SIDT2: variants seen among roughly 807,000 people sequenced by gnomAD.
SIDT2 encodes SID1 transmembrane family, member 2.
SIDT2 carries 68 observed loss-of-function variants against 114.4 expected under a neutral mutation model. That is an observed-to-expected ratio of 0.59 (90% confidence interval 0.49 to 0.73). The LOEUF (loss-of-function observed/expected upper bound fraction) is 0.73, where lower values mean the gene tolerates loss of function less well. Among genes scored for constraint, SIDT2 ranks in the 30% least tolerant of loss-of-function variants. The pLI, the probability that SIDT2 is intolerant of heterozygous loss-of-function variation, is 0.00. For synonymous variants in SIDT2, 470 were observed against 438.4 expected (o/e 1.07, Z -0.90); for missense variants, 918 against 1,097.1 (o/e 0.84, Z 2.31).
chr11:117,193,238 G>A lies in SIDT2; in HGVS notation c.2191G>A (p.Ala731Thr), dbSNP rs149550608. ...CATCTGCAACCTGCTCCTTTACTTC[G>A]CCTTCTACATCATCATGAAGGTGAG... ...IGICNLLLYF[A>T]FYIIMKLRSG... The change falls in exon 23 of 26, where the codon GCC becomes ACC. Residue 731 changes from alanine to threonine, a missense_variant. By Grantham distance (58) the Ala-to-Thr change is moderately conservative (BLOSUM62 0). This residue lies in a region of SIDT2 where 275 missense variants were observed against 397.6 expected (regional missense o/e 0.69). Coordinates refer to ENST00000324225, the MANE Select transcript of SIDT2 (RefSeq NM_001040455.2). 3.7e-6 allele frequency: 6 copies of A among 1,613,392 alleles called. No individual in the cohort carries two copies. The highest frequency in any genetic ancestry group is 2.2e-5 in the South Asian group (2 of 91,024).
Position 117,196,564 on chromosome 11 carries a change from G to C in SIDT2, c.*498G>C, listed in dbSNP as rs970421507. 6 of 171,550 alleles carry C rather than the reference G, an allele frequency of 3.5e-5. No individual in the cohort carries two copies. The highest frequency in any genetic ancestry group is 1.2e-4 in the African/African-American group (5 of 41,728). 10.6% of individuals were successfully genotyped at this position (171,550 alleles called of 1,614,324 possible). ...CCCAGTTCTCTTTGGGCTGTCCCTGGCTGCCATCACTGCCCATTCCAGTCA... is the reference window on the plus strand; with the variant it reads ...CCCAGTTCTCTTTGGGCTGTCCCTGCCTGCCATCACTGCCCATTCCAGTCA... On this transcript the variant is annotated 3_prime_UTR_variant, in exon 26 of 26. Coordinates refer to ENST00000324225, the MANE Select transcript of SIDT2 (RefSeq NM_001040455.2). The surrounding 1 kb of genome is among the most constrained non-coding windows in gnomAD (Gnocchi z 4.9).
intron 6 of SIDT2, among the ~76,000 whole-genome samples, chr11:117,183,269 T>C (rs2030365873): frequency 6.6e-6 from 1 of 150,882 alleles, no homozygotes; most frequent in Non-Finnish European, 1.5e-5. Flanking sequence ...CACTTGAACC[T>C]GGGAGACAGA....
chr11:117,193,042 G>A, intron 22 of SIDT2, 111 bp from the exon 23 acceptor site: 1 of 1,363,732 alleles, frequency 7.3e-7, no homozygotes, highest in Non-Finnish European at 1.0e-6. Flanking sequence ...AATCTTCTGT[G>A]GGCTTCTGAA....
intron 2 of SIDT2, 71 bp downstream of exon 2, chr11:117,181,608 G>T (rs1053761786): frequency 6.2e-7 from 1 of 1,604,476 alleles, no homozygotes; most frequent in South Asian, 1.1e-5. Context: ...TCAACCAGGA[G>T]CCCCCCCATT....
rs201523796 is a variant in SIDT2, at chr11:117,193,264, T to C, written c.2211+6T>C. 1.5e-3 allele frequency: 2,465 copies of C among 1,610,264 alleles called. 19 individuals are homozygous for C. Among genetic ancestry groups the C allele is most frequent in the Non-Finnish European group, 1.0e-3 (1,222 of 1,177,212 alleles). On this transcript the variant is annotated splice_donor_region_variant and intron_variant, in intron 23 of 25. Coordinates refer to ENST00000324225, the MANE Select transcript of SIDT2 (RefSeq NM_001040455.2). Reference sequence around the variant, plus strand: ...CCTTCTACATCATCATGAAGGTGAGTGGGGCTGGCCAAGCCCCCTCTGTCA... The same window carrying C: ...CCTTCTACATCATCATGAAGGTGAGCGGGGCTGGCCAAGCCCCCTCTGTCA...
In SIDT2 at chr11:117,179,208, T is replaced by C; in HGVS notation, c.-56T>C. On this transcript the variant is annotated 5_prime_UTR_variant, in exon 1 of 26. Transcript: ENST00000324225. ...CGCAACCCGTCCCGGAGGTGTCCTG[T>C]CTCCTGTCGCCGCCGCCGCCGCCAC... 1.3e-6 allele frequency: 2 copies of C among 1,562,566 alleles called. No homozygotes were observed. The highest frequency in any genetic ancestry group is 2.3e-5 in the South Asian group (2 of 86,680).
At position 117,179,362 on chromosome 11, in the gene SIDT2, C is replaced by G. The variant is rs754441657; in HGVS notation, c.99C>G (p.Ala33=). Residue 33 remains alanine, a synonymous_variant, in exon 1 of 26, where the codon GCC becomes GCG. Transcript: ENST00000324225. ...LGPKNVSQKD[A]EFERTYVDEV... ...CCAAGAACGTCTCGCAGAAAGACGC[C>G]GAGTTTGAGCGCACCTACGTGGACG... 6.2e-7 allele frequency: 1 copy of G among 1,614,154 alleles called. No individual in the cohort carries two copies. Among genetic ancestry groups the G allele is most frequent in the Non-Finnish European group, 8.5e-7 (1 of 1,180,030 alleles).
intron 24 of SIDT2, among the ~76,000 whole-genome samples, chr11:117,195,011 C>T (rs956793433): frequency 3.8e-5 from 5 of 132,224 alleles, no homozygotes; most frequent in South Asian, 2.5e-4. Flanking sequence ...GGCTTGGACC[C>T]GGGAGGTGGA....
Position 117,190,217 on chromosome 11 carries a change from T to C in SIDT2, c.1545T>C (p.Leu515=), listed in dbSNP as rs1565287801. 2 of 1,581,316 alleles carry C rather than the reference T, an allele frequency of 1.3e-6. No individual in the cohort carries two copies. Among genetic ancestry groups the C allele is most frequent in the Non-Finnish European group, 1.7e-6 (2 of 1,163,974 alleles). Residue 515 remains leucine, a synonymous_variant, in exon 17 of 26, where the codon CTT becomes CTC. Transcript: ENST00000324225. This position sits in a 1 kb window ranked among gnomAD's most constrained non-coding sequence, Gnocchi z 4.1. Reference sequence around the variant, plus strand: ...TGGGGTACATCCTGCTGGGGCTGCTTTTCCTGCTCATCATCCTGCAACGGG... The same window carrying C: ...TGGGGTACATCCTGCTGGGGCTGCTCTTCCTGCTCATCATCCTGCAACGGG... The part of the protein sequence containing the change: ...SNLGYILLGL[L]FLLIILQREI...
At chr11:117,187,100 T>C (rs1370034281) in intron 10 of SIDT2, 12 of 1,410,190 alleles carry the variant, frequency 8.5e-6, no homozygotes, top group African/African-American at 1.4e-5. Context: ...CGGGCCAGTG[T>C]TGTCTTTGTT....
Position 117,190,825 on chromosome 11 carries a change from A to G in SIDT2, c.1735+85A>G. The G allele has an allele frequency of 9.1e-7, 1 of 1,098,298 alleles. No individual in the cohort carries two copies. Among genetic ancestry groups the G allele is most frequent in the Non-Finnish European group, 1.4e-6 (1 of 718,970 alleles). 68.0% of individuals were successfully genotyped at this position (1,098,298 alleles called of 1,614,324 possible). ...CACTATCCCCAAGTCACCCACAGGG[A>G]TCGCTAAGACACCCCTGTAGGAAAC... On this transcript the variant is annotated intron_variant, in intron 18 of 25. Transcript: ENST00000324225. The surrounding 1 kb of genome is among the most constrained non-coding windows in gnomAD (Gnocchi z 4.1).
chr11:117,185,341 C>T (rs1485752897), intron 8 of SIDT2, among the ~76,000 whole-genome samples: 1 of 152,136 alleles, frequency 6.6e-6, no homozygotes, highest in Admixed American at 6.5e-5. Context: ...AGCCACCGCG[C>T]CCGGCCAGGG....
Position 117,181,409 on chromosome 11 carries a change from T to C in SIDT2, c.184-7T>C. ...GGCTTGAGAGGCATTTCCATGTCGT[T>C]CTGCAGACAGAGGGCGTGCGTGTGT... On this transcript the variant is annotated splice_region_variant and splice_polypyrimidine_tract_variant and intron_variant, in intron 1 of 25. Transcript: ENST00000324225. 6.2e-7 allele frequency: 1 copy of C among 1,613,302 alleles called. No individual in the cohort carries two copies. Among genetic ancestry groups the C allele is most frequent in the Non-Finnish European group, 8.5e-7 (1 of 1,179,914 alleles).
chr11:117,189,225 G>C lies in SIDT2; in HGVS notation c.1335G>C (p.Lys445Asn). 1 of 1,614,240 alleles carries C rather than the reference G, an allele frequency of 6.2e-7. No homozygotes were observed. The highest frequency in any genetic ancestry group is 8.5e-7 in the Non-Finnish European group (1 of 1,180,018). The change falls in exon 14 of 26, where the codon AAG becomes AAC. Residue 445 changes from lysine (K) to asparagine (N), a missense_variant. Coordinates refer to ENST00000324225, the MANE Select transcript of SIDT2 (RefSeq NM_001040455.2). ...ARKDKRVLRK[K>N]YQIYFWNIAT... ...AGGACAAGCGTGTTCTGCGGAAAAAGTACCAGATCTACTTCTGGTGAGTGG... is the reference window on the plus strand; with the variant it reads ...AGGACAAGCGTGTTCTGCGGAAAAACTACCAGATCTACTTCTGGTGAGTGG...
intron 6 of SIDT2, among the ~76,000 whole-genome samples, chr11:117,183,370 G>A (rs1021810816): frequency 2.1e-4 from 32 of 151,248 alleles, no homozygotes; most frequent in African/African-American, 7.5e-4. Flanking sequence ...CAGGCGCAGT[G>A]GCTCACGCCT....
Position 117,188,206 on chromosome 11 carries a change from C to G in SIDT2, c.1160-502C>G, listed in dbSNP as rs2030571977. ...GTTGCCAGCGCCCTCACTCCCTGGC[C>G]TGCTTGGGGAGGGCTCACAGGCATG... On this transcript the variant is annotated intron_variant, in intron 12 of 25. Transcript: ENST00000324225. The surrounding 1 kb of genome is among the most constrained non-coding windows in gnomAD (Gnocchi z 4.0). 2.8e-6 allele frequency: 1 copy of G among 354,826 alleles called. No individual in the cohort carries two copies. Among genetic ancestry groups the G allele is most frequent in the African/African-American group, 2.1e-5 (1 of 46,874 alleles). 22.0% of individuals were successfully genotyped at this position (354,826 alleles called of 1,614,324 possible). A position where few individuals can be genotyped will look rare whatever the true frequency, so the allele number is the denominator to read the frequency against.
chr11:117,192,779 C>G lies in SIDT2; in HGVS notation c.2059-41C>G, dbSNP rs759820153. On this transcript the variant is annotated intron_variant, in intron 21 of 25. Coordinates refer to ENST00000324225, the MANE Select transcript of SIDT2 (RefSeq NM_001040455.2). This position sits in a 1 kb window ranked among gnomAD's most constrained non-coding sequence, Gnocchi z 5.9. ...GCTGGGCCTTCTTCCACCACCCTCC[C>G]TGCCCCTGCCCTCAGTCCCTGTGTC... 2.5e-6 allele frequency: 4 copies of G among 1,613,658 alleles called. No individual in the cohort carries two copies. The highest frequency in any genetic ancestry group is 3.4e-6 in the Non-Finnish European group (4 of 1,179,770).
chr11:117,194,192 G>A, intron 24 of SIDT2: 2 of 435,748 alleles, frequency 4.6e-6, no homozygotes. Flanking sequence ...GTATTCACCA[G>A]TAGTCCTAGC....
At chr11:117,182,949 C>A in intron 6 of SIDT2, 143 bp downstream of exon 6, 1 of 861,112 alleles carries the variant, frequency 1.2e-6, no homozygotes, top group Non-Finnish European at 1.8e-6. Flanking sequence ...GACTTTGAGT[C>A]CCCTGATATA....
Sources: gnomAD v4.1 joint callset for allele counts (sites outside exome capture counted in the v4.1 genomes callset) on GRCh38, gnomAD v4.1.1 for gene constraint, gnomAD v4.1.1 regional missense constraint, Gnocchi (gnomAD v3.1) non-coding constraint, MANE v1.5 for transcripts, NCBI Gene and HGNC (gene_info 2026-07-23, HGNC 2026-07-21) for gene names.